Variants in NMNAT2 observed in about 807,000 individuals in gnomAD.
The protein encoded by NMNAT2 is nicotinamide/nicotinic acid mononucleotide adenylyltransferase 2.
In NMNAT2, 11 loss-of-function variants were observed where a neutral mutation model predicts 41.6. That is an observed-to-expected ratio of 0.26 (90% CI 0.17 to 0.44). NMNAT2 has a LOEUF of 0.44. Among genes scored for constraint, NMNAT2 ranks in the 20% least tolerant of loss-of-function variants. The pLI, the probability that NMNAT2 is intolerant of heterozygous loss-of-function variation, is 1.00. For missense variants in NMNAT2, 288 were observed against 407.7 expected (o/e 0.71, Z 2.53); for synonymous variants, 148 against 151.2 (o/e 0.98, Z 0.16).
intron 1 of NMNAT2, among the ~76,000 whole-genome samples, chr1:183,304,239 A>T (rs1661939719): frequency 6.6e-6 from 1 of 152,262 alleles, no homozygotes; most frequent in South Asian, 2.1e-4. Flanking sequence ...GTACAAAGGC[A>T]TGAAGATATG....
At chr1:183,299,905 T>C (rs1182460461) in intron 1 of NMNAT2, among the ~76,000 whole-genome samples, 4 of 152,234 alleles carry the variant, frequency 2.6e-5, no homozygotes, top group African/African-American at 4.8e-5. Flanking sequence ...ACTATAGTTA[T>C]AGAAAATAGA....
chr1:183,275,171 C>T (rs565202148), intron 8 of NMNAT2, among the ~76,000 whole-genome samples: 1 of 152,164 alleles, frequency 6.6e-6, no homozygotes, highest in East Asian at 1.9e-4. Context: ...GTGCAAGAGC[C>T]TTTCAGGTCT....
intron 8 of NMNAT2, among the ~76,000 whole-genome samples, chr1:183,271,216 T>C (rs1660979775): frequency 6.6e-6 from 1 of 152,246 alleles, no homozygotes; most frequent in Admixed American, 6.5e-5. Flanking sequence ...AGCTAATACA[T>C]GTAATCATTA....
At chr1:183,322,271 A>C (rs189384611) in intron 1 of NMNAT2, among the ~76,000 whole-genome samples, 1 of 152,352 alleles carries the variant, frequency 6.6e-6, no homozygotes, top group Admixed American at 6.5e-5. Context: ...CAAGGGTTGC[A>C]AATGTGAGAG....
intron 1 of NMNAT2, among the ~76,000 whole-genome samples, chr1:183,300,411 A>G (rs1224997114): frequency 8.5e-6 from 1 of 117,130 alleles, no homozygotes; most frequent in Non-Finnish European, 1.9e-5. Flanking sequence ...CTCCATCTAA[A>G]AAAAAGAAAA....
chr1:183,343,141 A>G (rs1662855675), intron 1 of NMNAT2, among the ~76,000 whole-genome samples: 1 of 152,126 alleles, frequency 6.6e-6, no homozygotes, highest in South Asian at 2.1e-4. Flanking sequence ...TGGGCCTTTG[A>G]GGCCAACCAT....
intron 1 of NMNAT2, among the ~76,000 whole-genome samples, chr1:183,356,302 AC>A (rs1349947721): frequency 1.3e-5 from 2 of 152,134 alleles, no homozygotes; most frequent in Non-Finnish European, 2.9e-5. Flanking sequence ...CTTATACTAT[AC>A]TGTTCCCCAT....
intron 10 of NMNAT2, among the ~76,000 whole-genome samples, chr1:183,260,502 T>G (rs1193205110): frequency 6.6e-6 from 1 of 151,988 alleles, no homozygotes; most frequent in Non-Finnish European, 1.5e-5. Flanking sequence ...GACTAGCTAA[T>G]GGACTGTCCT....
chr1:183,347,561 G>C (rs935853059), intron 1 of NMNAT2, among the ~76,000 whole-genome samples: 2 of 152,188 alleles, frequency 1.3e-5, no homozygotes, highest in Admixed American at 1.3e-4. Context: ...GCTTGGGAAA[G>C]TGCCGGACAC....
intron 1 of NMNAT2, among the ~76,000 whole-genome samples, chr1:183,341,650 C>T (rs1285288757): frequency 7.5e-6 from 1 of 133,492 alleles, no homozygotes; most frequent in Non-Finnish European, 1.6e-5. Flanking sequence ...CATGATCATG[C>T]TACTGCACCC....
At chr1:183,401,375 A>C (rs898610570) in intron 1 of NMNAT2, among the ~76,000 whole-genome samples, 16 of 152,196 alleles carry the variant, frequency 1.1e-4, no homozygotes, top group African/African-American at 3.9e-4. Flanking sequence ...ATACCATCTC[A>C]CACCAGTTAG....
rs200074100 is a variant in NMNAT2 at position 183,252,632 on chromosome 1, G to T, written c.*9C>A. On this transcript the variant is annotated 3_prime_UTR_variant, in exon 11 of 11. Coordinates refer to ENST00000287713, the MANE Select transcript of NMNAT2 (RefSeq NM_015039.4). ...AGGGGCCATTGTGTTGCCGGAGGAC[G>T]AGGGGCTGCTAGCCGGAGGCATTGA... 7 of 1,599,308 alleles carry T rather than the reference G, an allele frequency of 4.4e-6. No homozygotes were observed. The highest frequency in any genetic ancestry group is 6.0e-6 in the Non-Finnish European group (7 of 1,166,420).
In NMNAT2 at chr1:183,401,448, A is replaced by C. The variant is rs1310165560; in HGVS notation, c.85+16735T>G. 5.9e-5 allele frequency among the ~76,000 whole-genome samples: 9 copies of C among 152,196 alleles called. No individual in the cohort carries two copies. The South Asian group carries it at 8.3e-4, about 14-fold the overall frequency. ...TGGAGAGGATGTGGAGAAATAGGAAAACTTTTACACTGTTGGTGGGACTGT... is the reference window on the plus strand; with the variant it reads ...TGGAGAGGATGTGGAGAAATAGGAACACTTTTACACTGTTGGTGGGACTGT... On this transcript the variant is annotated intron_variant, in intron 1 of 10. Coordinates refer to ENST00000287713, the MANE Select transcript of NMNAT2 (RefSeq NM_015039.4).
At chr1:183,343,199 G>A (rs772960639) in intron 1 of NMNAT2, among the ~76,000 whole-genome samples, 8 of 152,080 alleles carry the variant, frequency 5.3e-5, no homozygotes, top group South Asian at 2.1e-4. Context: ...TCACCAAGCC[G>A]TGTACTGGTG....
intron 1 of NMNAT2, among the ~76,000 whole-genome samples, chr1:183,335,737 T>C (rs1189467728): frequency 2.0e-5 from 3 of 152,246 alleles, no homozygotes; most frequent in African/African-American, 7.2e-5. Flanking sequence ...TCATTTTATT[T>C]CATTATTTTT....
intron 1 of NMNAT2, among the ~76,000 whole-genome samples, chr1:183,380,878 C>A (rs890032275): frequency 6.6e-6 from 1 of 152,102 alleles, no homozygotes; most frequent in East Asian, 1.9e-4. Context: ...TGTCTTCCCA[C>A]ATTGTTGTGC....
At chr1:183,322,170 C>T (rs1034194780) in intron 1 of NMNAT2, among the ~76,000 whole-genome samples, 2 of 152,104 alleles carry the variant, frequency 1.3e-5, no homozygotes, top group African/African-American at 2.4e-5. Context: ...CATTAAACAC[C>T]GAATTCCTTT....
At chr1:183,395,896 G>A (rs542432048) in intron 1 of NMNAT2, among the ~76,000 whole-genome samples, 9 of 152,142 alleles carry the variant, frequency 5.9e-5, no homozygotes, top group Middle Eastern at 3.4e-3. Flanking sequence ...TGGCTTCTTC[G>A]CAATGTTCAT....
At chr1:183,269,882 G>C (rs1364213930) in intron 8 of NMNAT2, among the ~76,000 whole-genome samples, 1 of 152,020 alleles carries the variant, frequency 6.6e-6, no homozygotes, top group Admixed American at 6.6e-5. Flanking sequence ...GTAGTGACTT[G>C]AAACTTTTTT....
Sources: gnomAD v4.1 joint callset for allele counts (sites outside exome capture counted in the v4.1 genomes callset) on GRCh38, gnomAD v4.1.1 for gene constraint, MANE v1.5 for transcripts, NCBI Gene and HGNC (gene_info 2026-07-23, HGNC 2026-07-21) for gene names.